DHDH: variants seen among roughly 807,000 people sequenced by gnomAD.
DHDH encodes the protein trans-1,2-dihydrobenzene-1,2-diol dehydrogenase.
A neutral mutation model predicts 33.2 loss-of-function variants in DHDH; 29 were observed. The observed-to-expected ratio is 0.87, with a 90% CI of 0.65 to 1.19. DHDH has a LOEUF of 1.19. Ranked by LOEUF, DHDH falls within the 50% of genes most tolerant of loss-of-function variation. The pLI, the probability that DHDH is intolerant of heterozygous loss-of-function variation, is 0.00. For synonymous variants in DHDH, 201 were observed against 187.9 expected, an observed-to-expected ratio of 1.07 and a Z score of -0.57; for missense variants, 431 against 455.0, an observed-to-expected ratio of 0.95 and a Z score of 0.48.
chr19:48,942,461 T>A lies in DHDH; in HGVS notation c.641T>A (p.Val214Glu). ...HETGVDDTVT[V>E]LLQYPGEVHG... ...CCAGGTGTGGATGACACTGTCACGG[T>A]GCTCCTGCAGTACCCAGGGGAGGTC... The change falls in exon 5 of 7, where the codon GTG (valine) becomes GAG (glutamate). Residue 214 changes from valine (V) to glutamate (E), a missense_variant. Physicochemically the swap from Val to Glu is moderately radical, Grantham distance 121. Coordinates refer to ENST00000221403, the MANE Select transcript of DHDH (RefSeq NM_014475.4). 2 of 1,611,054 alleles carry A rather than the reference T, an allele frequency of 1.2e-6. No homozygotes were observed. Among genetic ancestry groups the A allele is most frequent in the Non-Finnish European group, 1.7e-6 (2 of 1,177,916 alleles).
intron 5 of DHDH, 29 bp downstream of exon 5, chr19:48,942,593 G>A (rs1036444731): frequency 1.2e-6 from 2 of 1,600,092 alleles, no homozygotes; most frequent in Non-Finnish European, 1.7e-6. Context: ...AAGCGCTGGG[G>A]ATCGTGCCCC....
At chr19:48,934,366 A>T (rs776696616) in intron 1 of DHDH, among the ~76,000 whole-genome samples, 1 of 152,134 alleles carries the variant, frequency 6.6e-6, no homozygotes, top group Non-Finnish European at 1.5e-5. Flanking sequence ...GGAAGACCTT[A>T]CATCCCCTAG....
At position 48,942,588 on chromosome 19, in the gene DHDH, C is replaced by G. The variant is rs1423245888; in HGVS notation, c.744+24C>G. The G allele has an allele frequency of 3.1e-6, 5 of 1,603,564 alleles. No homozygotes were observed. In the South Asian group the frequency reaches 4.4e-5, roughly 14 times the overall value. ...AGGTGAGGCATGGCGGGCCCAAGCG[C>G]TGGGGATCGTGCCCCTAAAATAGGA... On this transcript the variant is annotated intron_variant, in intron 5 of 6. Coordinates refer to ENST00000221403, the MANE Select transcript of DHDH (RefSeq NM_014475.4).
Position 48,939,599 on chromosome 19 carries a change from G to C in DHDH, c.517G>C (p.Ala173Pro), listed in dbSNP as rs1006726849. 6.2e-7 allele frequency: 1 copy of C among 1,614,080 alleles called. No homozygotes were observed. The highest frequency in any genetic ancestry group is 2.2e-5 in the East Asian group (1 of 44,870). The change falls in exon 4 of 7, where the codon GCC becomes CCC. Residue 173 changes from alanine to proline, a missense_variant. Physicochemically the swap from Ala to Pro is conservative, Grantham distance 27. Transcript: ENST00000221403. ...RAVDRAQAGG[A>P]LLDIGIYCVQ... Reference sequence around the variant, plus strand: ...CGTAGACCGGGCCCAGGCTGGGGGGGCCCTGCTGGACATCGGCATCTACTG... The same window carrying C: ...CGTAGACCGGGCCCAGGCTGGGGGGCCCCTGCTGGACATCGGCATCTACTG...
At chr19:48,933,342 A>G (rs1311494547), upstream of DHDH, among the ~76,000 whole-genome samples, 1 of 152,172 alleles carries the variant, frequency 6.6e-6, no homozygotes, top group East Asian at 1.9e-4. Flanking sequence ...AGAGCAAAAA[A>G]GTCAGGGCAA....
chr19:48,933,897 A>G (rs1022816884), intron 1 of DHDH, 86 bp downstream of exon 1: 2 of 1,259,192 alleles, frequency 1.6e-6, no homozygotes, highest in African/African-American at 3.0e-5. Flanking sequence ...AGGGTTCAGG[A>G]CTAGTGAGTG....
At chr19:48,937,279 C>T (rs950240273) in intron 3 of DHDH, among the ~76,000 whole-genome samples, 1 of 152,210 alleles carries the variant, frequency 6.6e-6, no homozygotes, top group East Asian at 1.9e-4. Context: ...CCTGTGTTCA[C>T]GCTCCTCTCG....
chr19:48,938,285 C>T lies in DHDH; in HGVS notation c.367-1164C>T, dbSNP rs142063242. Among the ~76,000 whole-genome samples, 263 of 152,032 alleles carry T rather than the reference C, an allele frequency of 1.7e-3. 1 individual carries two copies. Among genetic ancestry groups the T allele is most frequent in the African/African-American group, 6.0e-3 (248 of 41,454 alleles). ...CTAATTTTTGTATTTGTAGTAGAGA[C>T]GGGGTTTTGCTATGTTGTCCAGGCT... On this transcript the variant is annotated intron_variant, in intron 3 of 6. Coordinates refer to ENST00000221403, the MANE Select transcript of DHDH (RefSeq NM_014475.4).
In DHDH at chr19:48,942,441, T is replaced by C. The variant is rs1179270541; in HGVS notation, c.621T>C (p.Gly207=). 3 of 1,604,460 alleles carry C rather than the reference T, an allele frequency of 1.9e-6. No individual in the cohort carries two copies. The highest frequency in any genetic ancestry group is 2.6e-6 in the Non-Finnish European group (3 of 1,173,190). ...CCCTGACCCAGGACTTCCCTCCAGG[T>C]GTGGATGACACTGTCACGGTGCTCC... ...ISVVGRRHET[G]VDDTVTVLLQ... The change falls in exon 5 of 7, where the codon GGT becomes GGC. Residue 207 remains glycine (G), a splice_region_variant and synonymous_variant. Transcript: ENST00000221403.
rs1215733551 is a variant in DHDH at position 48,944,354 on chromosome 19, C to CAGCT, written c.745-2_746dup. The CAGCT allele has an allele frequency of 6.2e-7, 1 of 1,613,728 alleles. No individual in the cohort carries two copies. The highest frequency in any genetic ancestry group is 8.5e-7 in the Non-Finnish European group (1 of 1,179,992). Reference sequence around the variant, plus strand: ...AGCAGTGCCACTTCTTCTCTCCCTCCAGCTCCTCAACCCCTGCTGGTGCCC... The same window carrying CAGCT: ...AGCAGTGCCACTTCTTCTCTCCCTCCAGCTAGCTCCTCAACCCCTGCTGGTGCCC... On this transcript the variant is annotated splice_polypyrimidine_tract_variant and splice_region_variant and intron_variant, in intron 5 of 6. Coordinates refer to ENST00000221403, the MANE Select transcript of DHDH (RefSeq NM_014475.4).
chr19:48,943,424 C>T (rs2037895077), intron 5 of DHDH, among the ~76,000 whole-genome samples: 1 of 151,508 alleles, frequency 6.6e-6, no homozygotes, highest in Admixed American at 6.6e-5. Context: ...GGCATGGTGA[C>T]TTACACCTGT....
rs1406949727 is a variant in DHDH at position 48,933,779 on chromosome 19, G to A, written c.58G>A (p.Val20Met). 6.2e-7 allele frequency: 1 copy of A among 1,612,428 alleles called. No individual in the cohort carries two copies. Among genetic ancestry groups the A allele is most frequent in the Non-Finnish European group, 8.5e-7 (1 of 1,179,998 alleles). The change falls in exon 1 of 7, where the codon GTG (valine) becomes ATG (methionine). Residue 20 changes from valine (V) to methionine (M), a missense_variant. Val to Met is a conservative substitution (Grantham distance 21). Coordinates refer to ENST00000221403, the MANE Select transcript of DHDH (RefSeq NM_014475.4). The stretch of plus-strand genomic sequence containing the variant: ...CCTCATCTCCAGCGACTTCACAGCC[G>A]TGCTGCAGACGCTGCCTCGCTCTGA... Reference protein sequence around the residue: ...VGLISSDFTAVLQTLPRSEHQ... With the variant: ...VGLISSDFTAMLQTLPRSEHQ...
Position 48,936,028 on chromosome 19 carries a change from C to T in DHDH, c.203-4C>T, listed in dbSNP as rs759141922. The T allele has an allele frequency of 6.3e-7, 1 of 1,594,778 alleles. No individual in the cohort carries two copies. The highest frequency in any genetic ancestry group is 1.8e-5 in the Admixed American group (1 of 56,692). ...GCTGACCTCTTGACCTACTCCCACC[C>T]TAGAGGTGGCCTACATTGGCACCCA... On this transcript the variant is annotated splice_polypyrimidine_tract_variant and splice_region_variant and intron_variant, in intron 2 of 6. Coordinates refer to ENST00000221403, the MANE Select transcript of DHDH (RefSeq NM_014475.4).
chr19:48,939,575 G>A lies in DHDH; in HGVS notation c.493G>A (p.Val165Ile), dbSNP rs142917861. 5.0e-6 allele frequency: 8 copies of A among 1,610,752 alleles called. No homozygotes were observed. The highest frequency in any genetic ancestry group is 3.4e-5 in the Admixed American group (2 of 59,640). ...GKNLIHVPRA[V>I]DRAQAGGALL... ...GAATCTCATCCACGTTCCCCGGGCC[G>A]TAGACCGGGCCCAGGCTGGGGGGGC... is the stretch of plus-strand genomic sequence containing the variant. The change falls in exon 4 of 7, where the codon GTA becomes ATA. Residue 165 changes from valine (V) to isoleucine (I), a missense_variant. Val to Ile is a conservative substitution (Grantham distance 29). Coordinates refer to ENST00000221403, the MANE Select transcript of DHDH (RefSeq NM_014475.4).
chr19:48,935,171 GC>G, intron 2 of DHDH, 60 bp downstream of exon 2: 3 of 1,375,186 alleles, frequency 2.2e-6, no homozygotes, highest in African/African-American at 1.5e-5. Flanking sequence ...CCCCCTGGCT[GC>G]CCCCTGGGAG....
upstream of DHDH, among the ~76,000 whole-genome samples, chr19:48,933,133 G>A (rs1311023687): frequency 2.0e-4 from 31 of 152,190 alleles, no homozygotes; most frequent in Non-Finnish European, 7.3e-5. Flanking sequence ...GGATCTTGGA[G>A]TCTGTTTCCC....
At chr19:48,937,568 T>A (rs1438026447) in intron 3 of DHDH, among the ~76,000 whole-genome samples, 1 of 151,524 alleles carries the variant, frequency 6.6e-6, no homozygotes, top group Admixed American at 6.6e-5. Flanking sequence ...ATCCCAGCAC[T>A]TCGAGAGGCA....
chr19:48,941,411 T>A (rs1471049715), intron 4 of DHDH, among the ~76,000 whole-genome samples: 1 of 152,110 alleles, frequency 6.6e-6, no homozygotes, highest in Non-Finnish European at 1.5e-5. Context: ...AGATAGTATC[T>A]CACTTTGCCA....
intron 4 of DHDH, among the ~76,000 whole-genome samples, chr19:48,940,302 C>T (rs1320924198): frequency 6.6e-6 from 1 of 151,564 alleles, no homozygotes; most frequent in Non-Finnish European, 1.5e-5. Context: ...TTGCAGTGAG[C>T]TGAGATGGCG....
Sources: gnomAD v4.1 joint callset for allele counts (sites outside exome capture counted in the v4.1 genomes callset) on GRCh38, gnomAD v4.1.1 for gene constraint, MANE v1.5 for transcripts, NCBI Gene and HGNC (gene_info 2026-07-23, HGNC 2026-07-21) for gene names.